The following PRH1 variants were observed in gnomAD, a reference collection of about 807,000 sequenced individuals.
The protein encoded by PRH1 is salivary acidic proline-rich phosphoprotein 1/2.
PRH1 carries 7 observed loss-of-function variants against 7.9 expected under a neutral mutation model. The ratio of observed to expected loss-of-function variants is 0.89; its 90% CI spans 0.50 to 1.67. The LOEUF is 1.67. PRH1 is among the 40% of genes most tolerant of loss of function. The probability of loss-of-function intolerance (pLI) is 0.00; values close to 1 mark genes in which losing one functional copy is unlikely to be tolerated. For synonymous variants in PRH1, 45 were observed against 80.8 expected, an observed-to-expected ratio of 0.56 and a Z score of 2.38; for missense variants, 109 against 223.6, an observed-to-expected ratio of 0.49 and a Z score of 3.27.
At chr12:11,151,883 A>T (rs1356531091) in intron 1 of PRH1, among the ~76,000 whole-genome samples, 1 of 152,084 alleles carries the variant, frequency 6.6e-6, no homozygotes, top group Non-Finnish European at 1.5e-5. Context: ...ATAATATATT[A>T]CCATGGGTTA....
At chr12:10,901,376 G>C (rs1243109495) in intron 2 of PRH1, among the ~76,000 whole-genome samples, 1 of 152,120 alleles carries the variant, frequency 6.6e-6, no homozygotes, top group Admixed American at 6.6e-5. Context: ...ACTTGGAGCC[G>C]AGGGGGTTAC....
intron 1 of PRH1, chr12:11,092,234 G>C: frequency 7.8e-7 from 1 of 1,274,158 alleles, no homozygotes; most frequent in Non-Finnish European, 1.1e-6. Context: ...TATCATGTCT[G>C]AACAGACAAA....
intron 1 of PRH1, among the ~76,000 whole-genome samples, chr12:11,057,971 G>T (rs901202400): frequency 6.6e-6 from 1 of 151,588 alleles, no homozygotes; most frequent in Non-Finnish European, 1.5e-5. Flanking sequence ...ATTACAGCCC[G>T]GGCCCTGTGG....
chr12:10,902,489 G>C (rs1949736966), intron 2 of PRH1, among the ~76,000 whole-genome samples: 1 of 152,054 alleles, frequency 6.6e-6, no homozygotes, highest in Non-Finnish European at 1.5e-5. Context: ...TTGCTAGAGA[G>C]GTAGACATAC....
intron 1 of PRH1, among the ~76,000 whole-genome samples, chr12:11,007,723 C>G (rs1180959347): frequency 6.6e-6 from 1 of 151,996 alleles, no homozygotes; most frequent in Non-Finnish European, 1.5e-5. Flanking sequence ...GTTTCTTGCT[C>G]TTCTCCATTT....
intron 1 of PRH1, among the ~76,000 whole-genome samples, chr12:10,974,900 A>G (rs1282847913): frequency 6.6e-6 from 1 of 152,252 alleles, no homozygotes; most frequent in Non-Finnish European, 1.5e-5. Flanking sequence ...TAAGGAATGC[A>G]ATAAAATGAT....
chr12:11,122,304 A>G lies in PRH1; in HGVS notation n.40-1124T>C, dbSNP rs893577259. On this transcript the variant is annotated intron_variant and non_coding_transcript_variant, in intron 1 of 1. Transcript: ENST00000541175. The stretch of plus-strand genomic sequence containing the variant: ...CTGCCTGATCTAGCCTAAATCATCC[A>G]AACTCTATCTTCAAGATGCAGTACG... 6.0e-5 allele frequency among the ~76,000 whole-genome samples: 9 copies of G among 150,964 alleles called. No homozygotes were observed. The Admixed American group carries it at 6.0e-4, about 10-fold the overall frequency.
chr12:11,066,717 T>C (rs1943836540), intron 1 of PRH1, among the ~76,000 whole-genome samples: 1 of 151,676 alleles, frequency 6.6e-6, no homozygotes, highest in Non-Finnish European at 1.5e-5. Flanking sequence ...CCATCTTGTT[T>C]TTTAAGTACT....
chr12:11,089,687 C>T (rs868390406), intron 1 of PRH1, among the ~76,000 whole-genome samples: 2 of 119,218 alleles, frequency 1.7e-5, no homozygotes, highest in Non-Finnish European at 2.0e-5. Context: ...AAATGAAATG[C>T]CATTTTATTT....
intron 1 of PRH1, among the ~76,000 whole-genome samples, chr12:11,167,229 G>A (rs963950132): frequency 6.6e-6 from 1 of 152,106 alleles, no homozygotes; most frequent in Non-Finnish European, 1.5e-5. Flanking sequence ...GTAAGCATTC[G>A]GTAGAAGCCC....
upstream of PRH1, chr12:11,048,416 T>C (rs1942997512): frequency 3.2e-6 from 1 of 314,718 alleles, no homozygotes; most frequent in Non-Finnish European, 6.4e-6. Flanking sequence ...CTACTTCCCA[T>C]AGTCAGGATG....
At chr12:10,914,427 C>G (rs1949944622) in intron 2 of PRH1, among the ~76,000 whole-genome samples, 1 of 152,142 alleles carries the variant, frequency 6.6e-6, no homozygotes, top group Non-Finnish European at 1.5e-5. Flanking sequence ...AGGAAGATTA[C>G]ATAATTGTTT....
At chr12:11,010,399 G>T (rs1941012810) in intron 1 of PRH1, among the ~76,000 whole-genome samples, 1 of 151,822 alleles carries the variant, frequency 6.6e-6, no homozygotes, top group Admixed American at 6.6e-5. Context: ...GGCAATGGGA[G>T]AACACTATTT....
intron 1 of PRH1, chr12:10,987,001 G>A (rs906945042): frequency 2.4e-5 from 13 of 542,250 alleles, no homozygotes; most frequent in Non-Finnish European, 3.6e-5. Context: ...ACTGTGACCA[G>A]TGTCAAACAA....
chr12:11,112,571 G>A (rs1202273055), intron 1 of PRH1, among the ~76,000 whole-genome samples: 1 of 152,130 alleles, frequency 6.6e-6, no homozygotes, highest in Non-Finnish European at 1.5e-5. Flanking sequence ...TATCTCAACA[G>A]ATGCAGAAAA....
chr12:10,948,830 T>C (rs933421763), intron 2 of PRH1, among the ~76,000 whole-genome samples: 9 of 151,998 alleles, frequency 5.9e-5, no homozygotes, highest in African/African-American at 2.2e-4. Flanking sequence ...TTGTGTAGGG[T>C]ATTTATTTGA....
At chr12:10,994,210 T>G (rs185564953) in intron 1 of PRH1, among the ~76,000 whole-genome samples, 3 of 152,336 alleles carry the variant, frequency 2.0e-5, no homozygotes, top group African/African-American at 4.8e-5. Flanking sequence ...ATTTGGGACT[T>G]GAATGGATCA....
intron 1 of PRH1, among the ~76,000 whole-genome samples, chr12:11,127,873 G>A (rs548641521): frequency 3.6e-4 from 53 of 146,836 alleles, no homozygotes; most frequent in African/African-American, 1.2e-3. Context: ...TTGGGAGGCC[G>A]AGGCGGGCTG....
At chr12:11,060,134 A>AT (rs1943524268) in intron 1 of PRH1, among the ~76,000 whole-genome samples, 2 of 149,304 alleles carry the variant, frequency 1.3e-5, no homozygotes, top group East Asian at 2.0e-4. Context: ...TTAAAATTTC[A>AT]TAACACCAAA....
Sources: gnomAD v4.1 joint callset for allele counts (sites outside exome capture counted in the v4.1 genomes callset) on GRCh38, gnomAD v4.1.1 for gene constraint, MANE v1.5 for transcripts, NCBI Gene and HGNC (gene_info 2026-07-23, HGNC 2026-07-21) for gene names.